The following OSBPL8 variants were observed in gnomAD, a reference collection of about 807,000 sequenced individuals.
The protein encoded by OSBPL8 is oxysterol-binding protein-related protein 8.
Under a neutral mutation model 125.5 loss-of-function variants are expected in OSBPL8, and 59 were observed. The ratio of observed to expected loss-of-function variants is 0.47; its 90% confidence interval spans 0.38 to 0.58. The LOEUF is 0.58. OSBPL8 is among the 20% of genes least tolerant of loss of function. The pLI, the probability that OSBPL8 is intolerant of heterozygous loss-of-function variation, is 0.00. For missense variants in OSBPL8, 758 were observed against 1,047.8 expected (o/e 0.72, Z 3.82); for synonymous variants, 330 against 338.9 (o/e 0.97, Z 0.29).
At chr12:76,462,162 A>G (rs1422657743) in intron 2 of OSBPL8, among the ~76,000 whole-genome samples, 1 of 152,204 alleles carries the variant, frequency 6.6e-6, no homozygotes, top group Admixed American at 6.5e-5. Context: ...TTTACAGTTC[A>G]TCTTCTATTT....
At chr12:76,498,473 T>C (rs948425140) in intron 1 of OSBPL8, among the ~76,000 whole-genome samples, 5 of 152,346 alleles carry the variant, frequency 3.3e-5, no homozygotes, top group African/African-American at 9.6e-5. Flanking sequence ...GCATCTGTAC[T>C]TTCACTGTTT....
At chr12:76,356,172 C>CGGGG in intron 23 of OSBPL8, 151 bp from the exon 24 acceptor site, 1 of 137,274 alleles carries the variant, frequency 7.3e-6, no homozygotes, top group Non-Finnish European at 1.4e-5. Context: ...TGGGGGGGGG[C>CGGGG]GGGGTCTGGG....
chr12:76,378,654 C>T lies in OSBPL8; in HGVS notation c.1631-104G>A, dbSNP rs1952920218. The T allele has an allele frequency of 9.3e-6, 7 of 754,004 alleles. No individual in the cohort carries two copies. In the East Asian group the frequency reaches 1.8e-4, roughly 19 times the overall value. The allele number at this position is 754,004 out of a possible 1,614,324, so 46.7% of individuals were successfully genotyped here. A position where few individuals can be genotyped will look rare whatever the true frequency, so the allele number is the denominator to read the frequency against. On this transcript the variant is annotated intron_variant, in intron 15 of 23. Transcript: ENST00000261183. ...CTACCAGACATCTACAGTAGAAAGT[C>T]TTAAAAATGTCTCAATCTCAATGTG...
Position 76,366,778 on chromosome 12 carries a change from C to T in OSBPL8, c.2328+2436G>A, listed in dbSNP as rs115476176. On this transcript the variant is annotated intron_variant, in intron 21 of 23. Coordinates refer to ENST00000261183, the MANE Select transcript of OSBPL8 (RefSeq NM_020841.5). ...TAATTTCCCTTGTGTTTTTCTTTGA[C>T]CCATTGAGTTTGTTTTGTTTTGTTT... Among the ~76,000 whole-genome samples the T allele has an allele frequency of 8.6e-3, 1,308 of 151,868 alleles. 24 individuals are homozygous for T. The highest frequency in any genetic ancestry group is 0.03 in the African/African-American group (1,250 of 41,430).
chr12:76,472,415 G>C (rs556579960), intron 2 of OSBPL8, among the ~76,000 whole-genome samples: 1 of 152,262 alleles, frequency 6.6e-6, no homozygotes, highest in Non-Finnish European at 1.5e-5. Flanking sequence ...CCCTGTGTGT[G>C]GAGACAAGAT....
At chr12:76,407,355 C>T (rs1204348605) in intron 5 of OSBPL8, among the ~76,000 whole-genome samples, 1 of 152,190 alleles carries the variant, frequency 6.6e-6, no homozygotes, top group Non-Finnish European at 1.5e-5. Flanking sequence ...TGGGCTCAAG[C>T]ATCTCCTGCC....
intron 4 of OSBPL8, among the ~76,000 whole-genome samples, chr12:76,447,286 A>G (rs1216012144): frequency 6.6e-6 from 1 of 152,202 alleles, no homozygotes; most frequent in Non-Finnish European, 1.5e-5. Context: ...ATCCTCACCT[A>G]AATCTACCAA....
chr12:76,356,744 G>A lies in OSBPL8; in HGVS notation c.2435-16C>T. On this transcript the variant is annotated splice_polypyrimidine_tract_variant and intron_variant, in intron 22 of 23. Coordinates refer to ENST00000261183, the MANE Select transcript of OSBPL8 (RefSeq NM_020841.5). Reference sequence around the variant, plus strand: ...ACTGATTGAGCTAAAAAGACATTTAGAATGAAGTTGAAACTATAAAAATAA... The same window carrying A: ...ACTGATTGAGCTAAAAAGACATTTAAAATGAAGTTGAAACTATAAAAATAA... 12 of 1,496,220 alleles carry A rather than the reference G, an allele frequency of 8.0e-6. No homozygotes were observed. The highest frequency in any genetic ancestry group is 1.1e-5 in the Non-Finnish European group (12 of 1,083,878). 92.7% of individuals were successfully genotyped at this position (1,496,220 alleles called of 1,614,324 possible).
chr12:76,456,540 C>T (rs560091854), intron 3 of OSBPL8, among the ~76,000 whole-genome samples: 1 of 152,052 alleles, frequency 6.6e-6, no homozygotes, highest in South Asian at 2.1e-4. Context: ...ATCCCAGCTA[C>T]TCAGGAGGCT....
rs1439286552 is a variant in OSBPL8, at chr12:76,559,029, G to A, written c.-68+368C>T. ...GAAGGAGCCTCGCCTTAACCGCACC[G>A]AGCGACAAAGCGCCAGCTCTCCTGG... On this transcript the variant is annotated intron_variant, in intron 1 of 23. Transcript: ENST00000261183. Among the ~76,000 whole-genome samples the A allele has an allele frequency of 2.6e-5, 4 of 152,286 alleles. No homozygotes were observed. The East Asian group carries it at 5.8e-4, about 22-fold the overall frequency.
intron 1 of OSBPL8, among the ~76,000 whole-genome samples, chr12:76,504,632 T>TG (rs1880235811): frequency 1.3e-5 from 2 of 152,246 alleles, no homozygotes; most frequent in African/African-American, 4.8e-5. Flanking sequence ...AAACTGCCCT[T>TG]GGTCATTCCT....
intron 1 of OSBPL8, among the ~76,000 whole-genome samples, chr12:76,488,181 G>C (rs1168809713): frequency 1.3e-5 from 2 of 152,080 alleles, no homozygotes; most frequent in Admixed American, 6.5e-5. Flanking sequence ...AATGTTGATG[G>C]CTAGAAGCTT....
chr12:76,394,047 A>T (rs1953688453), intron 9 of OSBPL8, among the ~76,000 whole-genome samples: 1 of 152,162 alleles, frequency 6.6e-6, no homozygotes, highest in Non-Finnish European at 1.5e-5. Context: ...AAACAAAAAA[A>T]ATCAGATAAA....
At chr12:76,419,045 G>A (rs1385368249) in intron 4 of OSBPL8, among the ~76,000 whole-genome samples, 1 of 152,120 alleles carries the variant, frequency 6.6e-6, no homozygotes, top group Non-Finnish European at 1.5e-5. Flanking sequence ...AGACCAACCT[G>A]GCTAACATGG....
intron 15 of OSBPL8, among the ~76,000 whole-genome samples, chr12:76,381,760 G>A (rs1353092516): frequency 6.7e-6 from 1 of 148,472 alleles, no homozygotes; most frequent in East Asian, 2.0e-4. Flanking sequence ...TTGAGACAGA[G>A]TCTTGCTCTT....
intron 1 of OSBPL8, among the ~76,000 whole-genome samples, chr12:76,558,126 T>TAA (rs138216975): frequency 4.4e-4 from 66 of 150,392 alleles, no homozygotes; most frequent in East Asian, 1.2e-3. Flanking sequence ...ACGGTTAATA[T>TAA]TAAAAAAAAA....
intron 4 of OSBPL8, among the ~76,000 whole-genome samples, chr12:76,446,345 C>G (rs1240653316): frequency 6.6e-6 from 1 of 152,128 alleles, no homozygotes; most frequent in Non-Finnish European, 1.5e-5. Context: ...TTCAAACAAA[C>G]CTCCTACACA....
chr12:76,493,922 A>G (rs1018031027), intron 1 of OSBPL8, among the ~76,000 whole-genome samples: 1 of 151,964 alleles, frequency 6.6e-6, no homozygotes, highest in African/African-American at 2.4e-5. Context: ...CCAAATATCC[A>G]GTGTTTGAGT....
At chr12:76,429,963 G>A (rs1870614914) in intron 4 of OSBPL8, among the ~76,000 whole-genome samples, 1 of 151,870 alleles carries the variant, frequency 6.6e-6, no homozygotes, top group Non-Finnish European at 1.5e-5. Flanking sequence ...AGTCGTGCCT[G>A]CTCAGAAACT....
Sources: allele counts gnomAD v4.1 joint callset (sites outside exome capture counted in the v4.1 genomes callset), GRCh38; gene constraint gnomAD v4.1.1; transcripts MANE v1.5; gene names NCBI Gene and HGNC (gene_info 2026-07-23, HGNC 2026-07-21).